The following ASPH variants were observed in gnomAD, a reference collection of about 807,000 sequenced individuals.
The protein encoded by ASPH is aspartate beta-hydroxylase.
ASPH carries 100 observed loss-of-function variants against 118.4 expected under a neutral mutation model. That is an observed-to-expected ratio of 0.84 (90% confidence interval 0.72 to 1.00). ASPH has a LOEUF of 1.00. Among genes scored for constraint, ASPH ranks in the 50% least tolerant of loss-of-function variants. ASPH has a pLI of 0.00. For synonymous variants in ASPH, 315 were observed against 325.6 expected (o/e 0.97, Z 0.35); for missense variants, 920 against 919.5 (o/e 1.00, Z -0.01).
chr8:61,557,262 G>A (rs1303356747), intron 18 of ASPH, among the ~76,000 whole-genome samples: 2 of 152,004 alleles, frequency 1.3e-5, no homozygotes, highest in East Asian at 3.9e-4. Flanking sequence ...GCAAGATAGG[G>A]TTCCTGGAAC....
At position 61,677,459 on chromosome 8, in the gene ASPH, C is replaced by T. The variant is rs574045760; in HGVS notation, c.322+3509G>A. ...ATTCAGTCATTTAAGGCTTTGGCAA[C>T]ACACAATGTCTCCATGTAGTATAAC... On this transcript the variant is annotated intron_variant, in intron 3 of 24. Transcript: ENST00000379454. Among the ~76,000 whole-genome samples, 95 of 152,212 alleles carry T rather than the reference C, an allele frequency of 6.2e-4. 3 individuals are homozygous for T. The highest frequency in any genetic ancestry group is 2.0e-3 in the African/African-American group (82 of 41,546).
At chr8:61,639,823 C>T (rs1004257681) in intron 10 of ASPH, among the ~76,000 whole-genome samples, 2 of 152,172 alleles carry the variant, frequency 1.3e-5, no homozygotes, top group African/African-American at 2.4e-5. Flanking sequence ...GCCCCTGCCC[C>T]GTGCTTGACT....
chr8:61,522,622 G>A (rs933768450), intron 22 of ASPH, among the ~76,000 whole-genome samples: 5 of 152,148 alleles, frequency 3.3e-5, no homozygotes, highest in Non-Finnish European at 4.4e-5. Flanking sequence ...CACGAGATCT[G>A]ATGGTTTTAT....
chr8:61,689,726 T>TAAAAC (rs761728168), intron 1 of ASPH: 1 of 1,550,268 alleles, frequency 6.5e-7, no homozygotes. Flanking sequence ...AATGCTAAAG[T>TAAAAC]AAAACAAAAC....
rs1017688337 is a variant in ASPH, at chr8:61,695,020, C to G, written c.104-10832G>C. On this transcript the variant is annotated intron_variant, in intron 1 of 24. Coordinates refer to ENST00000379454, the MANE Select transcript of ASPH (RefSeq NM_004318.4). Reference sequence around the variant, plus strand: ...GGCTGTTGCAAACGGGTGATTACAACGAGGCCAAGATATGGATTCTCCTCA... The same window carrying G: ...GGCTGTTGCAAACGGGTGATTACAAGGAGGCCAAGATATGGATTCTCCTCA... Among the ~76,000 whole-genome samples the G allele has an allele frequency of 2.6e-5, 4 of 152,290 alleles. No homozygotes were observed. In the South Asian group the frequency reaches 8.3e-4, roughly 32 times the overall value.
intron 21 of ASPH, among the ~76,000 whole-genome samples, chr8:61,529,985 G>A (rs747862086): frequency 1.3e-5 from 2 of 152,156 alleles, no homozygotes; most frequent in Non-Finnish European, 2.9e-5. Flanking sequence ...TGAATGTGGG[G>A]GAGACACAAA....
intron 3 of ASPH, among the ~76,000 whole-genome samples, chr8:61,665,974 A>G: frequency 6.6e-6 from 1 of 152,204 alleles, no homozygotes; most frequent in Non-Finnish European, 1.5e-5. Flanking sequence ...CGTAAGAACA[A>G]ATTTTTCATA....
At chr8:61,665,965 G>C (rs910483764) in intron 3 of ASPH, among the ~76,000 whole-genome samples, 1 of 152,052 alleles carries the variant, frequency 6.6e-6, no homozygotes, top group Non-Finnish European at 1.5e-5. Flanking sequence ...CACTGGCAAC[G>C]TAAGAACAAA....
chr8:61,707,647 T>C (rs1306819245), intron 1 of ASPH, among the ~76,000 whole-genome samples: 1 of 152,062 alleles, frequency 6.6e-6, no homozygotes, highest in Non-Finnish European at 1.5e-5. Flanking sequence ...GGCACATACA[T>C]GTACAGGGCA....
At chr8:61,646,323 C>CA (rs984482498) in intron 6 of ASPH, among the ~76,000 whole-genome samples, 12 of 151,800 alleles carry the variant, frequency 7.9e-5, no homozygotes, top group Admixed American at 7.2e-4. Context: ...TGGCTATTTA[C>CA]AAAAAAAAGT....
chr8:61,711,153 C>A (rs776737183), intron 1 of ASPH, among the ~76,000 whole-genome samples: 2 of 152,022 alleles, frequency 1.3e-5, no homozygotes, highest in African/African-American at 2.4e-5. Flanking sequence ...TACAGTGACA[C>A]CTAGTGGCAA....
intron 3 of ASPH, chr8:61,660,871 G>GT (rs2151273573): frequency 6.6e-6 from 1 of 151,822 alleles, no homozygotes; most frequent in African/African-American, 2.4e-5. Flanking sequence ...GTGGACCAGA[G>GT]TAAAAAAAAA....
chr8:61,670,104 A>AT, intron 3 of ASPH, among the ~76,000 whole-genome samples: 1 of 152,120 alleles, frequency 6.6e-6, no homozygotes, highest in South Asian at 2.1e-4. Context: ...GGACCAAGCT[A>AT]ATAATTTAAA....
rs2151032048 is a variant in ASPH, at chr8:61,646,874, C to T, written c.495G>A (p.Glu165=). 3 of 1,613,868 alleles carry T rather than the reference C, an allele frequency of 1.9e-6. No homozygotes were observed. Among genetic ancestry groups the T allele is most frequent in the Non-Finnish European group, 2.5e-6 (3 of 1,179,856 alleles). Residue 165 remains glutamate, a synonymous_variant, in exon 6 of 25, where the codon GAG becomes GAA. Transcript: ENST00000379454. ...CATCTTCTTGTTGCAAGTCTTCTCCCTCAACTATGACAATGAACAAAGTGA... is the reference window on the plus strand; with the variant it reads ...CATCTTCTTGTTGCAAGTCTTCTCCTTCAACTATGACAATGAACAAAGTGA... The part of the protein sequence containing the change: ...LHEMVHAEHV[E]GEDLQQEDGP...
chr8:61,557,695 T>C (rs545904781), intron 18 of ASPH, among the ~76,000 whole-genome samples: 5 of 152,344 alleles, frequency 3.3e-5, no homozygotes, highest in Admixed American at 6.5e-5. Flanking sequence ...CTGTTATGCA[T>C]AGCATAGCAT....
chr8:61,559,277 C>T (rs1021492685), intron 18 of ASPH, among the ~76,000 whole-genome samples: 2 of 152,134 alleles, frequency 1.3e-5, no homozygotes, highest in African/African-American at 2.4e-5. Flanking sequence ...ACAAAATATG[C>T]GTTAATCGAC....
intron 20 of ASPH, among the ~76,000 whole-genome samples, chr8:61,548,738 A>G (rs1226077371): frequency 6.6e-6 from 1 of 152,212 alleles, no homozygotes; most frequent in East Asian, 1.9e-4. Flanking sequence ...AATTAAGTAG[A>G]CAGAAGGGAA....
intron 15 of ASPH, among the ~76,000 whole-genome samples, chr8:61,580,755 G>A (rs760855279): frequency 1.3e-4 from 19 of 151,812 alleles, no homozygotes; most frequent in African/African-American, 3.1e-4. Context: ...TTATTTTGTC[G>A]GCATCAAATT....
At chr8:61,649,348 G>A (rs754586093) in intron 5 of ASPH, among the ~76,000 whole-genome samples, 15 of 152,106 alleles carry the variant, frequency 9.9e-5, no homozygotes, top group African/African-American at 2.4e-5. Flanking sequence ...AAGCAATCTG[G>A]GGAGAACTGG....
Sources: allele counts gnomAD v4.1 joint callset (sites outside exome capture counted in the v4.1 genomes callset), GRCh38; gene constraint gnomAD v4.1.1; transcripts MANE v1.5; gene names NCBI Gene and HGNC (gene_info 2026-07-23, HGNC 2026-07-21).